The following FIBCD1 variants were observed in gnomAD, a reference collection of about 807,000 sequenced individuals.
FIBCD1 encodes the protein fibrinogen C domain-containing protein 1.
A neutral mutation model predicts 45.1 loss-of-function variants in FIBCD1; 47 were observed. That is an observed-to-expected ratio of 1.04 (90% CI 0.82 to 1.33). The LOEUF is 1.33. FIBCD1 is among the 40% of genes most tolerant of loss of function. The pLI is 0.00. For synonymous variants in FIBCD1, 313 were observed against 308.1 expected (o/e 1.02, Z -0.17); for missense variants, 653 against 682.2 (o/e 0.96, Z 0.48).
Position 130,924,393 on chromosome 9 carries a change from G to C in FIBCD1, c.556C>G (p.Leu186Val). The change falls in exon 3 of 7, where the codon CTC becomes GTC. Residue 186 changes from leucine to valine, a missense_variant. Leu to Val is a conservative substitution (Grantham distance 32). Transcript: ENST00000372338. The stretch of plus-strand genomic sequence containing the variant: ...GCCATGTGGCCCTGGCTCTCAGAGA[G>C]AAGCTGCGGAGCACAGGGGGTGAGC... ...QSEQGRLIQLLSESQGHMAHL... is the reference protein window; with the variant it reads ...QSEQGRLIQLVSESQGHMAHL... The C allele has an allele frequency of 6.2e-7, 1 of 1,607,248 alleles. No individual in the cohort carries two copies. Among genetic ancestry groups the C allele is most frequent in the Non-Finnish European group, 8.5e-7 (1 of 1,178,168 alleles).
chr9:130,922,790 G>A lies in FIBCD1; in HGVS notation c.849+954C>T, dbSNP rs1050164824. ...GAACACTCCAGCCTCATCTCATCAC[G>A]CACCACAAATCCCTCGGGCCCTGCT... is the stretch of plus-strand genomic sequence containing the variant. On this transcript the variant is annotated intron_variant, in intron 4 of 6. Transcript: ENST00000372338. This position sits in a 1 kb window ranked among gnomAD's most constrained non-coding sequence, Gnocchi z 4.5. 1.1e-4 allele frequency among the ~76,000 whole-genome samples: 17 copies of A among 151,954 alleles called. No individual in the cohort carries two copies. The highest frequency in any genetic ancestry group is 2.2e-4 in the Non-Finnish European group (15 of 67,976).
Position 130,923,783 on chromosome 9 carries a change from C to T in FIBCD1, c.810G>A (p.Gln270=), listed in dbSNP as rs773746378. 134 of 1,612,764 alleles carry T rather than the reference C, an allele frequency of 8.3e-5. No individual in the cohort carries two copies. The highest frequency in any genetic ancestry group is 3.3e-4 in the Middle Eastern group (2 of 5,988). ...VFPTHYPAGF[Q]VYCDMRTDGG... is the part of the protein sequence containing the mutation. ...CGTCCGTGCGCATGTCACAGTACAC[C>T]TGGAAGCCGGCCGGGTAGTGGGTGG... Residue 270 remains glutamine (Q), a synonymous_variant, in exon 4 of 7, where the codon CAG becomes CAA. Transcript: ENST00000372338.
chr9:130,938,392 G>T, intron 1 of FIBCD1, 144 bp downstream of exon 1: 2 of 614,024 alleles, frequency 3.3e-6, no homozygotes, highest in Admixed American at 4.5e-5. Context: ...AGGAGAGGAG[G>T]GTCCCCATCC....
chr9:130,920,994 G>A (rs1458708258), intron 4 of FIBCD1, among the ~76,000 whole-genome samples: 1 of 152,266 alleles, frequency 6.6e-6, no homozygotes, highest in East Asian at 1.9e-4. Context: ...GTGACCTCGG[G>A]CACATCCCTG....
rs1159424769 is a variant in FIBCD1, at chr9:130,929,707, C to G, written c.412G>C (p.Asp138His). The G allele has an allele frequency of 6.2e-7, 1 of 1,601,224 alleles. No homozygotes were observed. The highest frequency in any genetic ancestry group is 8.5e-7 in the Non-Finnish European group (1 of 1,174,914). The change falls in exon 2 of 7, where the codon GAC (aspartate) becomes CAC (histidine). Residue 138 changes from aspartate (D) to histidine (H), a missense_variant. Physicochemically the swap from Asp to His is moderately conservative, Grantham distance 81 (BLOSUM62 -1). Transcript: ENST00000372338. ...LVGDQEQELLDTLADQLPRLL... is the reference protein window; with the variant it reads ...LVGDQEQELLHTLADQLPRLL... ...CGGGGCAGCTGGTCGGCCAGCGTGTCCAGCAGCTCCTGCTCCTGGTCGCCC... is the reference window on the plus strand; with the variant it reads ...CGGGGCAGCTGGTCGGCCAGCGTGTGCAGCAGCTCCTGCTCCTGGTCGCCC...
chr9:130,938,397 C>T (rs192968017), intron 1 of FIBCD1, 139 bp downstream of exon 1: 6,781 of 655,498 alleles, frequency 0.01, 54 homozygotes, highest in Admixed American at 0.013. Flanking sequence ...AGGAGGGTCC[C>T]CATCCCGGCC....
chr9:130,911,565 T>C (rs1398730097), intron 5 of FIBCD1, among the ~76,000 whole-genome samples: 2 of 152,212 alleles, frequency 1.3e-5, no homozygotes, highest in African/African-American at 4.8e-5. Flanking sequence ...CCTCAGCCTT[T>C]ATGAGCACTG....
At chr9:130,938,510 C>G (rs1832557376) in intron 1 of FIBCD1, 26 bp downstream of exon 1, 1 of 1,478,122 alleles carries the variant, frequency 6.8e-7, no homozygotes, top group Non-Finnish European at 8.9e-7. Flanking sequence ...GCCGCCCAGG[C>G]CCCGTGTCCC....
intron 1 of FIBCD1, chr9:130,937,977 C>T (rs1007708064): frequency 6.6e-6 from 1 of 152,406 alleles, no homozygotes; most frequent in Non-Finnish European, 1.5e-5. Context: ...GCCCTGCTTT[C>T]CTTGTCTTAA....
At chr9:130,936,256 A>C (rs1233338350) in intron 1 of FIBCD1, 1 of 152,370 alleles carries the variant, frequency 6.6e-6, no homozygotes, top group Non-Finnish European at 1.5e-5. Context: ...CCTGGCCACA[A>C]GGGAGGAGAG....
intron 1 of FIBCD1, chr9:130,930,926 C>T: frequency 2.3e-6 from 1 of 429,742 alleles, no homozygotes; most frequent in Non-Finnish European, 4.8e-6. Context: ...GGGTAGCGGG[C>T]ACCCATCACG....
chr9:130,912,704 G>GAA (rs10538277), intron 4 of FIBCD1, among the ~76,000 whole-genome samples: 13 of 142,000 alleles, frequency 9.2e-5, no homozygotes, highest in East Asian at 6.3e-4. Flanking sequence ...AAAACTGTCT[G>GAA]AAAAAAAAAA....
intron 4 of FIBCD1, among the ~76,000 whole-genome samples, chr9:130,916,825 C>A (rs1368436075): frequency 6.6e-6 from 1 of 152,212 alleles, no homozygotes; most frequent in African/African-American, 2.4e-5. Flanking sequence ...AGTCTGGGCG[C>A]GGTGGCCCAC....
At chr9:130,916,741 T>A (rs949639154) in intron 4 of FIBCD1, among the ~76,000 whole-genome samples, 5 of 152,198 alleles carry the variant, frequency 3.3e-5, no homozygotes, top group Non-Finnish European at 7.3e-5. Flanking sequence ...AAGGAAAGGA[T>A]CCAGGCGTCC....
At chr9:130,907,642 G>A (rs1165475814) in intron 5 of FIBCD1, among the ~76,000 whole-genome samples, 1 of 152,334 alleles carries the variant, frequency 6.6e-6, no homozygotes, top group East Asian at 1.9e-4. Flanking sequence ...GCTTACGCCT[G>A]TAATTCCAGC....
Position 130,929,830 on chromosome 9 carries a change from G to A in FIBCD1, c.289C>T (p.Arg97Cys). The A allele has an allele frequency of 3.2e-6, 5 of 1,550,028 alleles. No individual in the cohort carries two copies. In the South Asian group the frequency reaches 3.6e-5, roughly 11 times the overall value. Residue 97 changes from arginine to cysteine, a missense_variant, in exon 2 of 7, where the codon CGC (arginine) becomes TGC (cysteine). Arg to Cys is a radical substitution (Grantham distance 180). Coordinates refer to ENST00000372338, the MANE Select transcript of FIBCD1 (RefSeq NM_032843.5). ...SSHLSILIDP[R>C]CPDLTDSFAR... is the part of the protein sequence containing the mutation. ...AAGCTGTCGGTGAGGTCGGGGCAGC[G>A]CGGGTCAATGAGGATGCTGAGGTGC... is the stretch of plus-strand genomic sequence containing the variant.
Position 130,926,915 on chromosome 9 carries a change from G to A in FIBCD1, c.553-2519C>T, listed in dbSNP as rs559946341. 6.6e-6 allele frequency among the ~76,000 whole-genome samples: 1 copy of A among 152,210 alleles called. No individual in the cohort carries two copies. The highest frequency in any genetic ancestry group is 2.1e-4 in the South Asian group (1 of 4,808). Reference sequence around the variant, plus strand: ...ATGGGGCTGCAAAGTGCCTATTAACGCGGAGCCCAGCACATGGTATAGGCC... The same window carrying A: ...ATGGGGCTGCAAAGTGCCTATTAACACGGAGCCCAGCACATGGTATAGGCC... On this transcript the variant is annotated intron_variant, in intron 2 of 6. Coordinates refer to ENST00000372338, the MANE Select transcript of FIBCD1 (RefSeq NM_032843.5). The surrounding 1 kb of genome is among the most constrained non-coding windows in gnomAD (Gnocchi z 4.1).
rs560937251 is a variant in FIBCD1, at chr9:130,935,982, C to T, written c.72+2554G>A. Among the ~76,000 whole-genome samples, 130 of 152,290 alleles carry T rather than the reference C, an allele frequency of 8.5e-4. 4 individuals are homozygous for T. Among genetic ancestry groups the T allele is most frequent in the Admixed American group, 6.9e-3 (105 of 15,300 alleles). On this transcript the variant is annotated intron_variant, in intron 1 of 6. Transcript: ENST00000372338. ...TTGTAGGAACCAGATGTTCAGATGG[C>T]GTTTCCTGGGGGGCAGAGAGGAGAC...
In FIBCD1 at chr9:130,929,820, T is replaced by C. The variant is rs866757871; in HGVS notation, c.299A>G (p.Asp100Gly). ...CAGGCGTGCGAAGCTGTCGGTGAGG[T>C]CGGGGCAGCGCGGGTCAATGAGGAT... is the stretch of plus-strand genomic sequence containing the variant. Reference protein sequence around the residue: ...LSILIDPRCPDLTDSFARLES... With the variant: ...LSILIDPRCPGLTDSFARLES... The change falls in exon 2 of 7, where the codon GAC becomes GGC. Residue 100 changes from aspartate to glycine, a missense_variant. Transcript: ENST00000372338. 2 of 1,550,252 alleles carry C rather than the reference T, an allele frequency of 1.3e-6. No individual in the cohort carries two copies. Among genetic ancestry groups the C allele is most frequent in the Admixed American group, 3.9e-5 (2 of 51,064 alleles).
Sources: allele counts gnomAD v4.1 joint callset (sites outside exome capture counted in the v4.1 genomes callset), GRCh38; gene constraint gnomAD v4.1.1; non-coding constraint Gnocchi (gnomAD v3.1); transcripts MANE v1.5; gene names NCBI Gene and HGNC (gene_info 2026-07-23, HGNC 2026-07-21).